Variants in CDC14A observed in about 807,000 individuals in gnomAD.
CDC14A encodes dual specificity protein phosphatase CDC14A.
CDC14A carries 53 observed loss-of-function variants against 74.4 expected under a neutral mutation model. The ratio of observed to expected loss-of-function variants is 0.71; its 90% CI spans 0.57 to 0.89. CDC14A has a LOEUF of 0.89. CDC14A is among the 40% of genes least tolerant of loss of function. The pLI is 0.00. For synonymous variants in CDC14A, 247 were observed against 258.4 expected (o/e 0.96, Z 0.43); for missense variants, 646 against 713.7 (o/e 0.91, Z 1.08).
chr1:100,432,474 A>G (rs1428915778), intron 5 of CDC14A, among the ~76,000 whole-genome samples: 1 of 152,222 alleles, frequency 6.6e-6, no homozygotes, highest in Non-Finnish European at 1.5e-5. Flanking sequence ...TAGACTGTAC[A>G]TTTAAAATAC....
intron 10 of CDC14A, among the ~76,000 whole-genome samples, chr1:100,482,633 G>A (rs893810739): frequency 6.6e-6 from 1 of 152,038 alleles, no homozygotes; most frequent in South Asian, 2.1e-4. Flanking sequence ...CCCTTCTTGA[G>A]AGACAGGGAT....
chr1:100,421,563 A>G (rs780967939), intron 4 of CDC14A, among the ~76,000 whole-genome samples: 72 of 152,138 alleles, frequency 4.7e-4, no homozygotes, highest in Non-Finnish European at 8.2e-4. Context: ...CTCAAATGTG[A>G]CTACAAACTG....
At chr1:100,357,745 TAAA>T (rs71310165) in intron 2 of CDC14A, among the ~76,000 whole-genome samples, 1 of 139,490 alleles carries the variant, frequency 7.2e-6, no homozygotes, top group African/African-American at 2.7e-5. Flanking sequence ...CCCCATCTCT[TAAA>T]AAAAAAAAAA....
At chr1:100,513,369 T>G (rs951880156) in intron 15 of CDC14A, among the ~76,000 whole-genome samples, 1 of 152,174 alleles carries the variant, frequency 6.6e-6, no homozygotes, top group Non-Finnish European at 1.5e-5. Flanking sequence ...GCCTCTGTGG[T>G]TAGAACTTAA....
chr1:100,424,409 T>C (rs1169758233), intron 5 of CDC14A, 108 bp downstream of exon 5: 2 of 766,892 alleles, frequency 2.6e-6, no homozygotes, highest in Non-Finnish European at 4.6e-6. Context: ...CATTATGTTA[T>C]ATGGAATGAA....
At chr1:100,390,690 G>A in intron 3 of CDC14A, 42 bp from the exon 4 acceptor site, 2 of 1,270,720 alleles carry the variant, frequency 1.6e-6, no homozygotes, top group African/African-American at 1.5e-5. Context: ...TGTTAACTTT[G>A]TCTCTATGGT....
intron 15 of CDC14A, among the ~76,000 whole-genome samples, chr1:100,510,048 C>T (rs973309640): frequency 1.3e-5 from 2 of 150,304 alleles, no homozygotes; most frequent in Non-Finnish European, 2.9e-5. Flanking sequence ...TATTAGGAAC[C>T]TCGTTTCCAT....
chr1:100,438,321 A>G (rs1664567361), intron 5 of CDC14A, among the ~76,000 whole-genome samples: 3 of 152,176 alleles, frequency 2.0e-5, no homozygotes, highest in African/African-American at 7.2e-5. Context: ...ATCCTAGTTT[A>G]TGCATTAAAA....
intron 15 of CDC14A, among the ~76,000 whole-genome samples, chr1:100,516,572 C>T (rs981942768): frequency 2.0e-5 from 3 of 152,136 alleles, no homozygotes; most frequent in Non-Finnish European, 4.4e-5. Flanking sequence ...CACATACACG[C>T]ACAACATACC....
At chr1:100,414,001 C>T (rs1353897070) in intron 4 of CDC14A, among the ~76,000 whole-genome samples, 1 of 152,148 alleles carries the variant, frequency 6.6e-6, no homozygotes, top group Non-Finnish European at 1.5e-5. Flanking sequence ...AAGAAACTAA[C>T]ACACTTACTT....
intron 5 of CDC14A, among the ~76,000 whole-genome samples, chr1:100,436,503 C>T (rs1038148852): frequency 1.3e-5 from 2 of 151,964 alleles, no homozygotes; most frequent in African/African-American, 4.8e-5. Context: ...TGGCTCACTG[C>T]AACCTCTGCC....
upstream of CDC14A, among the ~76,000 whole-genome samples, chr1:100,349,858 T>G (rs374046218): frequency 5.3e-3 from 810 of 152,010 alleles, 7 homozygotes; most frequent in African/African-American, 0.019. Context: ...TCTTTCTCTG[T>G]CGCCCAGGCT....
chr1:100,497,519 C>T (rs1648035279), intron 13 of CDC14A, among the ~76,000 whole-genome samples: 1 of 152,184 alleles, frequency 6.6e-6, no homozygotes, highest in South Asian at 2.1e-4. Flanking sequence ...TCACTGAAGG[C>T]TATTCACAAT....
chr1:100,499,674 G>A (rs1238581572), intron 15 of CDC14A, among the ~76,000 whole-genome samples: 1 of 152,112 alleles, frequency 6.6e-6, no homozygotes, highest in Non-Finnish European at 1.5e-5. Context: ...GCTGGTTTGG[G>A]GAATTATGGC....
At chr1:100,515,422 C>T (rs1484087358) in intron 15 of CDC14A, among the ~76,000 whole-genome samples, 1 of 142,416 alleles carries the variant, frequency 7.0e-6, no homozygotes, top group African/African-American at 2.6e-5. Context: ...TTTGCTGTGT[C>T]ACCCAGGCTG....
At chr1:100,440,728 T>C (rs1664838373) in intron 6 of CDC14A, among the ~76,000 whole-genome samples, 1 of 152,180 alleles carries the variant, frequency 6.6e-6, no homozygotes, top group Non-Finnish European at 1.5e-5. Context: ...ATAAATATAT[T>C]ATCAGTAGCA....
intron 4 of CDC14A, among the ~76,000 whole-genome samples, chr1:100,391,278 A>G (rs74450892): frequency 0.014 from 2,172 of 152,160 alleles, 31 homozygotes; most frequent in African/African-American, 0.04. Flanking sequence ...TCATTAATTT[A>G]TACAATTGTT....
At chr1:100,465,092 A>T (rs1227345982) in intron 9 of CDC14A, among the ~76,000 whole-genome samples, 2 of 151,374 alleles carry the variant, frequency 1.3e-5, no homozygotes, top group South Asian at 2.1e-4. Context: ...CTCCTGGCTA[A>T]TTTTTTATAT....
chr1:100,489,105 T>C (rs1372523368), intron 11 of CDC14A, among the ~76,000 whole-genome samples: 1 of 152,170 alleles, frequency 6.6e-6, no homozygotes, highest in East Asian at 1.9e-4. Context: ...ATTCAAACTT[T>C]TTATTGATCA....
Sources: gnomAD v4.1 joint callset for allele counts (sites outside exome capture counted in the v4.1 genomes callset) on GRCh38, gnomAD v4.1.1 for gene constraint, MANE v1.5 for transcripts, NCBI Gene and HGNC (gene_info 2026-07-23, HGNC 2026-07-21) for gene names.